Variants in HOPX observed in about 807,000 individuals in gnomAD.
The protein encoded by HOPX is HOP homeobox, also known as homeodomain-only protein.
In HOPX, 5 loss-of-function variants were observed where a neutral mutation model predicts 11.8. The ratio of observed to expected loss-of-function variants is 0.43; its 90% CI spans 0.22 to 0.89. The LOEUF is 0.89. Among genes scored for constraint, HOPX ranks in the 40% least tolerant of loss-of-function variants. The pLI, the probability that HOPX is intolerant of heterozygous loss-of-function variation, is 0.28. For synonymous variants in HOPX, 49 were observed against 49.7 expected, an observed-to-expected ratio of 0.99 and a Z score of 0.06; for missense variants, 119 against 120.0, an observed-to-expected ratio of 0.99 and a Z score of 0.04.
intron 1 of HOPX, among the ~76,000 whole-genome samples, chr4:56,677,630 T>A (rs945081581): frequency 2.0e-5 from 3 of 151,468 alleles, no homozygotes; most frequent in African/African-American, 7.4e-5. Context: ...AAAAACCAAT[T>A]GGAAACATGG....
chr4:56,658,000 C>T (rs1431405391), intron 1 of HOPX, 101 bp from the exon 2 acceptor site: 16 of 1,116,084 alleles, frequency 1.4e-5, no homozygotes, highest in Non-Finnish European at 2.0e-5. Flanking sequence ...CAATTCTAGC[C>T]AAAGTTGCCC....
chr4:56,676,184 A>G (rs906092355), intron 1 of HOPX, among the ~76,000 whole-genome samples: 3 of 151,488 alleles, frequency 2.0e-5, no homozygotes, highest in African/African-American at 4.9e-5. Flanking sequence ...TGTGGTCCCA[A>G]CTACTCTAGA....
At chr4:56,674,833 G>A (rs1718921955) in intron 1 of HOPX, among the ~76,000 whole-genome samples, 2 of 149,176 alleles carry the variant, frequency 1.3e-5, no homozygotes, top group African/African-American at 2.5e-5. Context: ...CTGCAGCCTC[G>A]AACTTCTGGG....
chr4:56,678,152 G>A (rs1719117281), intron 1 of HOPX, among the ~76,000 whole-genome samples: 1 of 151,536 alleles, frequency 6.6e-6, no homozygotes, highest in Admixed American at 6.5e-5. Context: ...GGAGCTGGGA[G>A]TGTCCAGAAG....
At chr4:56,672,259 C>T (rs1369448658) in intron 1 of HOPX, among the ~76,000 whole-genome samples, 1 of 151,948 alleles carries the variant, frequency 6.6e-6, no homozygotes, top group Non-Finnish European at 1.5e-5. Context: ...TGACATTTGG[C>T]TGGGTACAGT....
Position 56,648,640 on chromosome 4 carries a change from A to C in HOPX, c.*80T>G. ...TGGAACATACAACACTATGCTGAAA[A>C]ACCACAACAGCTTGGTTAAGCGGAG... On this transcript the variant is annotated 3_prime_UTR_variant, in exon 4 of 4. Transcript: ENST00000420433. 1 of 1,062,064 alleles carries C rather than the reference A, an allele frequency of 9.4e-7. No individual in the cohort carries two copies. Among genetic ancestry groups the C allele is most frequent in the East Asian group, 2.4e-5 (1 of 41,596 alleles). The allele number at this position is 1,062,064 out of a possible 1,614,324, so 65.8% of individuals were successfully genotyped here. A position where few individuals can be genotyped will look rare whatever the true frequency, so the allele number is the denominator to read the frequency against.
At chr4:56,664,802 CCTCCT>C (rs1224793762) in intron 1 of HOPX, 6 of 152,180 alleles carry the variant, frequency 3.9e-5, no homozygotes, top group Admixed American at 1.3e-4. Flanking sequence ...TTCCCCAGTT[CCTCCT>C]CTCCTCTCAT....
chr4:56,673,239 A>G (rs1341970714), intron 1 of HOPX, among the ~76,000 whole-genome samples: 3 of 152,192 alleles, frequency 2.0e-5, no homozygotes, highest in Admixed American at 2.0e-4. Flanking sequence ...TCAACAACAT[A>G]GATACATCTT....
At chr4:56,667,735 T>G (rs35904614) in intron 1 of HOPX, among the ~76,000 whole-genome samples, 6,923 of 152,292 alleles carry the variant, frequency 0.045, 253 homozygotes, top group Middle Eastern at 0.1. Flanking sequence ...AGTATATGTT[T>G]TCCTTTCCTC....
At chr4:56,655,273 G>A (rs561710036) in intron 3 of HOPX, among the ~76,000 whole-genome samples, 4 of 152,284 alleles carry the variant, frequency 2.6e-5, no homozygotes, top group Non-Finnish European at 2.9e-5. Context: ...GAGTTCTGCA[G>A]CTCGGGGGAC....
At chr4:56,678,332 T>A (rs987066219) in intron 1 of HOPX, among the ~76,000 whole-genome samples, 3 of 151,224 alleles carry the variant, frequency 2.0e-5, no homozygotes, top group Non-Finnish European at 4.4e-5. Flanking sequence ...CTGGTTTTCA[T>A]CCCTAGCTGC....
At chr4:56,680,361 A>T (rs962296561) in intron 1 of HOPX, 1 of 152,148 alleles carries the variant, frequency 6.6e-6, no homozygotes, top group African/African-American at 2.4e-5. Flanking sequence ...TCTGTTGTTT[A>T]ATTATAAATC....
In HOPX at chr4:56,661,233, T is replaced by G. The variant is rs187229572; in HGVS notation, c.-83-3334A>C. ...CATATATAATTTTTCTGTAAATTGC[T>G]TTTTTCACTCAACAGTGTTTCCAGA... is the stretch of plus-strand genomic sequence containing the variant. On this transcript the variant is annotated intron_variant, in intron 1 of 3. Transcript: ENST00000420433. Among the ~76,000 whole-genome samples the G allele has an allele frequency of 9.8e-5, 15 of 152,356 alleles. No individual in the cohort carries two copies. In the East Asian group the frequency reaches 2.7e-3, roughly 27 times the overall value.
chr4:56,651,944 C>A (rs35736378), intron 3 of HOPX, among the ~76,000 whole-genome samples: 18,811 of 149,750 alleles, frequency 0.13, 1,369 homozygotes, highest in African/African-American at 0.2. Flanking sequence ...CCAGATCATC[C>A]CAACCTCCCA....
At chr4:56,673,284 A>G (rs1296738606) in intron 1 of HOPX, among the ~76,000 whole-genome samples, 1 of 152,180 alleles carries the variant, frequency 6.6e-6, no homozygotes, top group East Asian at 1.9e-4. Flanking sequence ...AAAGAGAGAA[A>G]AGAGGGAGAG....
intron 2 of HOPX, among the ~76,000 whole-genome samples, chr4:56,657,376 T>C (rs191420316): frequency 6.6e-6 from 1 of 152,264 alleles, no homozygotes. Context: ...CCTGAGTAGG[T>C]TGTGATGTGG....
At chr4:56,651,662 G>A (rs948333456) in intron 3 of HOPX, among the ~76,000 whole-genome samples, 6 of 152,124 alleles carry the variant, frequency 3.9e-5, no homozygotes, top group Non-Finnish European at 8.8e-5. Context: ...CTTTTCTCTA[G>A]TAACTAACAT....
Position 56,667,816 on chromosome 4 carries a change from T to G in HOPX, c.-83-9917A>C, listed in dbSNP as rs77770555. Among the ~76,000 whole-genome samples, 13 of 152,280 alleles carry G rather than the reference T, an allele frequency of 8.5e-5. No homozygotes were observed. In the East Asian group the frequency reaches 2.1e-3, roughly 25 times the overall value. ...GTGATACCTAGGTTCAACAGGAGCA[T>G]TTTTACTATTCTCTACCTAAGTGAG... On this transcript the variant is annotated intron_variant, in intron 1 of 3. Transcript: ENST00000420433.
At chr4:56,659,402 A>T (rs1359029260) in intron 1 of HOPX, 1 of 152,146 alleles carries the variant, frequency 6.6e-6, no homozygotes, top group Non-Finnish European at 1.5e-5. Flanking sequence ...TTGGAAGGGG[A>T]TGGGGTCTTC....
Sources: allele counts gnomAD v4.1 joint callset (sites outside exome capture counted in the v4.1 genomes callset), GRCh38; gene constraint gnomAD v4.1.1; transcripts MANE v1.5; gene names NCBI Gene and HGNC (gene_info 2026-07-23, HGNC 2026-07-21).